The following LRRC7 variants were observed in gnomAD, a reference collection of about 807,000 sequenced individuals.
The protein encoded by LRRC7 is leucine-rich repeat-containing protein 7.
Under a neutral mutation model 175.7 loss-of-function variants are expected in LRRC7, and 23 were observed. The ratio of observed to expected loss-of-function variants is 0.13; its 90% CI spans 0.09 to 0.19. The LOEUF (loss-of-function observed/expected upper bound fraction) is 0.19, where lower values mean the gene tolerates loss of function less well. Among genes scored for constraint, LRRC7 ranks in the 10% least tolerant of loss-of-function variants. The pLI is 1.00. For missense variants in LRRC7, 1,354 were observed against 1,904.7 expected (o/e 0.71, Z 5.38); for synonymous variants, 685 against 680.9 (o/e 1.01, Z -0.09).
chr1:69,616,978 T>C (rs1238858471), intron 1 of LRRC7, among the ~76,000 whole-genome samples: 1 of 152,126 alleles, frequency 6.6e-6, no homozygotes, highest in Non-Finnish European at 1.5e-5. Context: ...CTAGATAAAA[T>C]TCAAATGTCA....
chr1:69,824,379 G>T (rs1323151681), intron 4 of LRRC7, among the ~76,000 whole-genome samples: 1 of 152,160 alleles, frequency 6.6e-6, no homozygotes, highest in Non-Finnish European at 1.5e-5. Context: ...AATGGAAGAA[G>T]TTCTAGGTGT....
chr1:69,620,431 G>T (rs371176576), intron 1 of LRRC7, among the ~76,000 whole-genome samples: 1 of 152,002 alleles, frequency 6.6e-6, no homozygotes, highest in Non-Finnish European at 1.5e-5. Flanking sequence ...CTCTAGAATC[G>T]CACTCTTTCA....
At chr1:70,054,943 C>A (rs1661039624) in intron 23 of LRRC7, among the ~76,000 whole-genome samples, 1 of 152,020 alleles carries the variant, frequency 6.6e-6, no homozygotes, top group Admixed American at 6.6e-5. Context: ...TGCTTTGTAA[C>A]CTACATATGT....
intron 7 of LRRC7, 38 bp from the exon 8 acceptor site, chr1:69,931,469 C>A (rs745610261): frequency 1.8e-5 from 28 of 1,538,342 alleles, no homozygotes; most frequent in Admixed American, 3.4e-5. Flanking sequence ...ATGTATCATG[C>A]ACTACCTCAC....
chr1:69,853,110 G>C (rs1307022477), intron 7 of LRRC7, among the ~76,000 whole-genome samples: 1 of 151,852 alleles, frequency 6.6e-6, no homozygotes, highest in Non-Finnish European at 1.5e-5. Flanking sequence ...AGCTGATATT[G>C]TGAGAAAAAA....
At chr1:69,823,443 A>G (rs1161500329) in intron 4 of LRRC7, among the ~76,000 whole-genome samples, 3 of 152,172 alleles carry the variant, frequency 2.0e-5, no homozygotes, top group Admixed American at 6.5e-5. Flanking sequence ...AAATGTCATG[A>G]AGTCTTTTTC....
chr1:69,808,980 G>A (rs1276436868), intron 4 of LRRC7, among the ~76,000 whole-genome samples: 1 of 152,060 alleles, frequency 6.6e-6, no homozygotes, highest in Admixed American at 6.6e-5. Context: ...AAAAATCAAT[G>A]AATCCAGGAG....
At chr1:69,626,384 TAAAAAA>T (rs10546011) in intron 1 of LRRC7, among the ~76,000 whole-genome samples, 1 of 130,116 alleles carries the variant, frequency 7.7e-6, no homozygotes, top group Non-Finnish European at 1.6e-5. Flanking sequence ...ACTTAGAATC[TAAAAAA>T]AAAAAAAAAA....
chr1:70,035,512 C>G (rs754343035), intron 18 of LRRC7, among the ~76,000 whole-genome samples: 22 of 146,914 alleles, frequency 1.5e-4, no homozygotes, highest in Admixed American at 8.5e-4. Context: ...CATGATAGAA[C>G]TTGAGAAATT....
intron 8 of LRRC7, among the ~76,000 whole-genome samples, chr1:69,931,938 A>T (rs1034926037): frequency 6.6e-6 from 1 of 152,220 alleles, no homozygotes; most frequent in Non-Finnish European, 1.5e-5. Context: ...ACTTGATTAA[A>T]TGCAAAGACC....
At chr1:69,785,850 A>G (rs1674350984) in intron 3 of LRRC7, among the ~76,000 whole-genome samples, 2 of 152,018 alleles carry the variant, frequency 1.3e-5, no homozygotes, top group Admixed American at 1.3e-4. Flanking sequence ...TTCCTCCACT[A>G]CCTCACTCAT....
chr1:69,678,184 T>A (rs1306025116), intron 1 of LRRC7, among the ~76,000 whole-genome samples, 197 bp from the exon 2 acceptor site: 3 of 152,002 alleles, frequency 2.0e-5, no homozygotes, highest in Admixed American at 2.0e-4. Context: ...TTTTTTTTAA[T>A]TGGGATGCTG....
At chr1:69,972,795 T>C (rs924911621) in intron 8 of LRRC7, among the ~76,000 whole-genome samples, 5 of 151,598 alleles carry the variant, frequency 3.3e-5, no homozygotes, top group Non-Finnish European at 7.4e-5. Context: ...AAGAAGTCAT[T>C]ATATGAAAAA....
intron 7 of LRRC7, among the ~76,000 whole-genome samples, chr1:69,857,773 A>G (rs1392273561): frequency 1.3e-5 from 2 of 152,182 alleles, no homozygotes; most frequent in African/African-American, 4.8e-5. Flanking sequence ...TAAAGTTCAT[A>G]TGGAACCAAA....
intron 2 of LRRC7, among the ~76,000 whole-genome samples, chr1:69,691,776 C>T (rs1273030412): frequency 1.3e-5 from 1 of 75,700 alleles, no homozygotes; most frequent in Admixed American, 1.9e-4. Flanking sequence ...CCAGCCTGGG[C>T]AAAAGAGGGA....
chr1:69,759,964 C>T (rs1452231134), intron 2 of LRRC7, among the ~76,000 whole-genome samples: 2 of 151,952 alleles, frequency 1.3e-5, no homozygotes, highest in Non-Finnish European at 2.9e-5. Flanking sequence ...AAATCTCTCG[C>T]ACTTTTTGAG....
chr1:70,083,262 A>T (rs1414736905), intron 24 of LRRC7, among the ~76,000 whole-genome samples: 1 of 152,154 alleles, frequency 6.6e-6, no homozygotes, highest in Non-Finnish European at 1.5e-5. Context: ...AGCCTATTTC[A>T]TGGGCTTATC....
intron 7 of LRRC7, among the ~76,000 whole-genome samples, chr1:69,858,033 G>A (rs1683902997): frequency 6.6e-6 from 1 of 152,132 alleles, no homozygotes; most frequent in Non-Finnish European, 1.5e-5. Flanking sequence ...TTTAATAAAT[G>A]GTGCTGGGAA....
intron 7 of LRRC7, among the ~76,000 whole-genome samples, chr1:69,859,033 A>G (rs1684054012): frequency 1.3e-5 from 2 of 152,156 alleles, no homozygotes; most frequent in South Asian, 4.1e-4. Context: ...CAGCAATACA[A>G]TAAATTTCAC....
Sources: allele counts gnomAD v4.1 joint callset (sites outside exome capture counted in the v4.1 genomes callset), GRCh38; gene constraint gnomAD v4.1.1; transcripts MANE v1.5; gene names NCBI Gene and HGNC (gene_info 2026-07-23, HGNC 2026-07-21).